LPP: variants seen among roughly 807,000 people sequenced by gnomAD.
The protein encoded by LPP is LIM domain containing preferred translocation partner in lipoma, also known as lipoma-preferred partner.
A neutral mutation model predicts 60.4 loss-of-function variants in LPP; 38 were observed. The observed-to-expected ratio is 0.63, with a 90% CI of 0.49 to 0.83. LPP has a LOEUF of 0.83. LPP is among the 40% of genes least tolerant of loss of function. The probability of loss-of-function intolerance (pLI) is 0.00; values close to 1 mark genes in which losing one functional copy is unlikely to be tolerated. For missense variants in LPP, 902 were observed against 783.6 expected (o/e 1.15, Z -1.80); for synonymous variants, 328 against 290.8 (o/e 1.13, Z -1.30).
At chr3:188,640,505 A>T (rs1421877258) in intron 7 of LPP, among the ~76,000 whole-genome samples, 3 of 149,630 alleles carry the variant, frequency 2.0e-5, no homozygotes, top group Non-Finnish European at 4.4e-5. Flanking sequence ...GTACCCTAAA[A>T]CTTAAAGTAT....
intron 2 of LPP, among the ~76,000 whole-genome samples, chr3:188,225,777 G>C (rs59070844): frequency 6.6e-6 from 1 of 152,220 alleles, no homozygotes; most frequent in Non-Finnish European, 1.5e-5. Flanking sequence ...GAAGGTGGTA[G>C]CATTGAACTT....
intron 1 of LPP, among the ~76,000 whole-genome samples, chr3:188,223,815 A>T (rs1360186373): frequency 6.6e-6 from 1 of 152,122 alleles, no homozygotes; most frequent in African/African-American, 2.4e-5. Context: ...ATGAAATTGC[A>T]TTGTTCACAG....
At chr3:188,795,786 T>C (rs1745164429) in intron 9 of LPP, among the ~76,000 whole-genome samples, 1 of 152,236 alleles carries the variant, frequency 6.6e-6, no homozygotes, top group African/African-American at 2.4e-5. Context: ...TGTGGTTATA[T>C]ATTAACAGAG....
At chr3:188,591,750 G>A (rs1229367834) in intron 6 of LPP, among the ~76,000 whole-genome samples, 1 of 152,200 alleles carries the variant, frequency 6.6e-6, no homozygotes, top group African/African-American at 2.4e-5. Context: ...TACAGAGACA[G>A]AAGGAATGTG....
chr3:188,502,569 T>C (rs530007583), intron 5 of LPP, among the ~76,000 whole-genome samples: 1 of 152,326 alleles, frequency 6.6e-6, no homozygotes, highest in South Asian at 2.1e-4. Flanking sequence ...CCAACCCGTC[T>C]TTTGACCAGA....
chr3:188,558,428 G>A lies in LPP; in HGVS notation c.429+33641G>A, dbSNP rs974473946. On this transcript the variant is annotated intron_variant, in intron 6 of 11. Coordinates refer to ENST00000617246, the MANE Select transcript of LPP (RefSeq NM_001375462.1). ...TGCCTCCTACCCCGTATGAGTTGCTGTACACGTTTCTTTTGACACTTGTCA... is the reference window on the plus strand; with the variant it reads ...TGCCTCCTACCCCGTATGAGTTGCTATACACGTTTCTTTTGACACTTGTCA... Among the ~76,000 whole-genome samples the A allele has an allele frequency of 6.6e-5, 10 of 152,036 alleles. No homozygotes were observed. The East Asian group carries it at 1.9e-3, about 29-fold the overall frequency.
rs909323006 is a variant in LPP, at chr3:188,794,865, C to T, written c.1410+34583C>T. Among the ~76,000 whole-genome samples, 5 of 152,014 alleles carry T rather than the reference C, an allele frequency of 3.3e-5. No homozygotes were observed. In the East Asian group the frequency reaches 5.8e-4, roughly 18 times the overall value. ...TTAGAAGTAAATTTGAGGCCGGGTG[C>T]GGAGGCTCATGCCTGTAATCCCAGC... On this transcript the variant is annotated intron_variant, in intron 9 of 11. Transcript: ENST00000617246.
intron 9 of LPP, among the ~76,000 whole-genome samples, chr3:188,823,758 G>A (rs938838780): frequency 6.6e-6 from 1 of 151,996 alleles, no homozygotes; most frequent in African/African-American, 2.4e-5. Context: ...TGCATAATTT[G>A]TATTAGTCCA....
intron 9 of LPP, among the ~76,000 whole-genome samples, chr3:188,863,667 A>C (rs902567320): frequency 6.6e-6 from 1 of 152,238 alleles, no homozygotes; most frequent in African/African-American, 2.4e-5. Context: ...CTAGGATGCC[A>C]GTCAACTTCA....
At chr3:188,598,032 G>T (rs1840326224) in intron 6 of LPP, among the ~76,000 whole-genome samples, 1 of 152,062 alleles carries the variant, frequency 6.6e-6, no homozygotes, top group Non-Finnish European at 1.5e-5. Context: ...GTTCCAGATT[G>T]GCTTCCTAAA....
intron 3 of LPP, among the ~76,000 whole-genome samples, chr3:188,385,690 G>A (rs192718218): frequency 1.4e-3 from 212 of 152,256 alleles, no homozygotes; most frequent in Non-Finnish European, 2.6e-3. Context: ...TTTACCAGGC[G>A]TTGTGGAACA....
chr3:188,332,829 G>A (rs1760489474), intron 2 of LPP, among the ~76,000 whole-genome samples: 2 of 152,100 alleles, frequency 1.3e-5, no homozygotes, highest in Admixed American at 6.5e-5. Context: ...ATTAGGGCTT[G>A]GTTTTGTTTG....
At chr3:188,485,505 A>G (rs1481429110) in intron 5 of LPP, among the ~76,000 whole-genome samples, 1 of 152,238 alleles carries the variant, frequency 6.6e-6, no homozygotes, top group African/African-American at 2.4e-5. Context: ...GTTTGTAGAT[A>G]AAATGGAATG....
intron 9 of LPP, among the ~76,000 whole-genome samples, chr3:188,810,989 G>A (rs2151307455): frequency 6.6e-6 from 1 of 152,046 alleles, no homozygotes; most frequent in East Asian, 1.9e-4. Context: ...ATGTCTTTTG[G>A]TGTACATATA....
intron 9 of LPP, among the ~76,000 whole-genome samples, chr3:188,778,739 A>T (rs1738620929): frequency 6.6e-6 from 1 of 152,126 alleles, no homozygotes; most frequent in Admixed American, 6.6e-5. Context: ...ACAAACACAC[A>T]CTCACACCAA....
chr3:188,214,189 G>GGC (rs1226314435), intron 1 of LPP, among the ~76,000 whole-genome samples: 1 of 151,864 alleles, frequency 6.6e-6, no homozygotes. Flanking sequence ...GGAGTGCAAT[G>GGC]GCGCGATCTC....
At chr3:188,680,294 G>C (rs1240954672) in intron 7 of LPP, among the ~76,000 whole-genome samples, 2 of 152,060 alleles carry the variant, frequency 1.3e-5, no homozygotes, top group African/African-American at 2.4e-5. Flanking sequence ...TTCTAAATTG[G>C]ATCGCTTCAG....
At chr3:188,276,354 C>G (rs972514782) in intron 2 of LPP, among the ~76,000 whole-genome samples, 17 of 152,192 alleles carry the variant, frequency 1.1e-4, no homozygotes, top group African/African-American at 4.1e-4. Context: ...TCCTTCTTAG[C>G]TAGTTCCTTG....
chr3:188,764,503 GAAAT>G (rs1457677493), intron 9 of LPP, among the ~76,000 whole-genome samples: 2 of 152,080 alleles, frequency 1.3e-5, no homozygotes, highest in East Asian at 1.9e-4. Context: ...TGGAAATACT[GAAAT>G]AAATAAATGT....
Sources: allele counts gnomAD v4.1 joint callset (sites outside exome capture counted in the v4.1 genomes callset), GRCh38; gene constraint gnomAD v4.1.1; transcripts MANE v1.5; gene names NCBI Gene and HGNC (gene_info 2026-07-23, HGNC 2026-07-21).